GABRB1: variants seen among roughly 807,000 people sequenced by gnomAD.
The protein encoded by GABRB1 is gamma-aminobutyric acid type A receptor subunit beta1.
A neutral mutation model predicts 51.6 loss-of-function variants in GABRB1; 17 were observed. The observed-to-expected ratio is 0.33, with a 90% CI of 0.23 to 0.49. The LOEUF is 0.49. GABRB1 is among the 20% of genes least tolerant of loss of function. GABRB1 has a pLI of 0.99. For synonymous variants in GABRB1, 247 were observed against 218.9 expected (o/e 1.13, Z -1.14); for missense variants, 410 against 600.6 (o/e 0.68, Z 3.32).
chr4:47,112,079 C>T lies in GABRB1; in HGVS notation c.241-49170C>T, dbSNP rs1455728008. 2.0e-5 allele frequency among the ~76,000 whole-genome samples: 3 copies of T among 151,810 alleles called. No individual in the cohort carries two copies. In the East Asian group the frequency reaches 5.9e-4, roughly 30 times the overall value. ...CCACCTCCCGGGTTCAAGCGATTCT[C>T]CTGCCTCAGCCTCCCGAGTAGCTGG... is the stretch of plus-strand genomic sequence containing the variant. On this transcript the variant is annotated intron_variant, in intron 3 of 8. Coordinates refer to ENST00000295454, the MANE Select transcript of GABRB1 (RefSeq NM_000812.4).
At chr4:47,392,851 G>A (rs1287224560) in intron 5 of GABRB1, among the ~76,000 whole-genome samples, 2 of 152,208 alleles carry the variant, frequency 1.3e-5, no homozygotes, top group South Asian at 2.1e-4. Context: ...GGAGCAAATA[G>A]TTCTTCCCTA....
At chr4:47,327,356 T>C (rs912157485) in intron 5 of GABRB1, among the ~76,000 whole-genome samples, 2 of 150,806 alleles carry the variant, frequency 1.3e-5, no homozygotes, top group African/African-American at 4.9e-5. Context: ...GTAGGATCTC[T>C]TAAAAGAAAA....
chr4:47,305,834 G>A (rs1724447486), intron 4 of GABRB1, among the ~76,000 whole-genome samples: 1 of 152,070 alleles, frequency 6.6e-6, no homozygotes, highest in African/African-American at 2.4e-5. Flanking sequence ...ACTCAAACTG[G>A]GGACAGGAAG....
intron 3 of GABRB1, among the ~76,000 whole-genome samples, chr4:47,098,395 A>G (rs1366050130): frequency 6.6e-6 from 1 of 152,092 alleles, no homozygotes; most frequent in Non-Finnish European, 1.5e-5. Flanking sequence ...AAACTTTGTC[A>G]TTCTCACAGA....
intron 4 of GABRB1, among the ~76,000 whole-genome samples, chr4:47,247,383 C>T (rs1261417207): frequency 1.3e-5 from 2 of 151,978 alleles, no homozygotes; most frequent in African/African-American, 4.8e-5. Context: ...GTCTGTGTGC[C>T]TATTTTTATA....
chr4:47,183,469 C>T (rs1259775133), intron 4 of GABRB1, among the ~76,000 whole-genome samples: 1 of 150,108 alleles, frequency 6.7e-6, no homozygotes, highest in Admixed American at 6.7e-5. Flanking sequence ...TTTGGTACTT[C>T]CACACTTAAT....
intron 5 of GABRB1, among the ~76,000 whole-genome samples, chr4:47,397,219 A>G (rs1416702081): frequency 6.6e-6 from 1 of 152,214 alleles, no homozygotes; most frequent in Non-Finnish European, 1.5e-5. Context: ...CAGTAGTATA[A>G]AATAATTCTC....
At chr4:47,274,480 G>T (rs1414497768) in intron 4 of GABRB1, among the ~76,000 whole-genome samples, 3 of 152,086 alleles carry the variant, frequency 2.0e-5, no homozygotes, top group African/African-American at 7.2e-5. Flanking sequence ...TATGTAGAAA[G>T]GGTTCTTTTC....
intron 3 of GABRB1, among the ~76,000 whole-genome samples, chr4:47,101,102 G>C (rs1241856050): frequency 6.6e-6 from 1 of 151,926 alleles, no homozygotes; most frequent in African/African-American, 2.4e-5. Flanking sequence ...TTTTACGTGG[G>C]CTCATCTTCA....
At chr4:47,294,884 C>T (rs193212094) in intron 4 of GABRB1, among the ~76,000 whole-genome samples, 9 of 152,176 alleles carry the variant, frequency 5.9e-5, no homozygotes, top group Admixed American at 1.3e-4. Flanking sequence ...ACACCTCACA[C>T]GGCCGGGTAC....
chr4:47,371,401 C>G (rs897282317), intron 5 of GABRB1, among the ~76,000 whole-genome samples: 2 of 152,158 alleles, frequency 1.3e-5, no homozygotes, highest in South Asian at 4.1e-4. Flanking sequence ...TCAACATACA[C>G]GTGCATGTAC....
chr4:47,007,481 A>T (rs926869272), intron 1 of GABRB1, among the ~76,000 whole-genome samples: 30 of 152,218 alleles, frequency 2.0e-4, no homozygotes, highest in African/African-American at 7.2e-4. Context: ...AAAGGCATAA[A>T]TGATTTTAAC....
intron 3 of GABRB1, among the ~76,000 whole-genome samples, chr4:47,078,497 T>C (rs1727671341): frequency 6.6e-6 from 1 of 152,184 alleles, no homozygotes; most frequent in Non-Finnish European, 1.5e-5. Context: ...TAAAACATCA[T>C]CCCTAAGCAA....
chr4:47,267,734 G>A (rs1192086352), intron 4 of GABRB1, among the ~76,000 whole-genome samples: 1 of 152,148 alleles, frequency 6.6e-6, no homozygotes, highest in Admixed American at 6.5e-5. Flanking sequence ...GGCGGAGGTT[G>A]CAGTGAGCTG....
chr4:47,279,326 G>A (rs1361519950), intron 4 of GABRB1, among the ~76,000 whole-genome samples: 1 of 152,094 alleles, frequency 6.6e-6, no homozygotes, highest in Non-Finnish European at 1.5e-5. Flanking sequence ...CAATTTAGCA[G>A]GTGGTGACAA....
At chr4:47,288,263 A>G (rs1340022658) in intron 4 of GABRB1, among the ~76,000 whole-genome samples, 1 of 150,458 alleles carries the variant, frequency 6.6e-6, no homozygotes, top group African/African-American at 2.4e-5. Context: ...TATTATTATT[A>G]TTATTATTGT....
At chr4:47,250,720 T>C (rs970791037) in intron 4 of GABRB1, among the ~76,000 whole-genome samples, 5 of 152,224 alleles carry the variant, frequency 3.3e-5, no homozygotes, top group African/African-American at 7.2e-5. Context: ...TCTGAATTTC[T>C]TCATTCTACT....
chr4:47,034,430 A>G (rs560191769), intron 3 of GABRB1, among the ~76,000 whole-genome samples: 1 of 152,282 alleles, frequency 6.6e-6, no homozygotes, highest in South Asian at 2.1e-4. Context: ...ATTAAATAAT[A>G]CAGTCTGTTT....
intron 4 of GABRB1, among the ~76,000 whole-genome samples, chr4:47,163,848 TA>T (rs1718062702): frequency 6.6e-6 from 1 of 152,044 alleles, no homozygotes; most frequent in Non-Finnish European, 1.5e-5. Context: ...AAACTGTTCC[TA>T]AATTTCCTAC....
Sources: gnomAD v4.1 joint callset for allele counts (sites outside exome capture counted in the v4.1 genomes callset) on GRCh38, gnomAD v4.1.1 for gene constraint, MANE v1.5 for transcripts, NCBI Gene and HGNC (gene_info 2026-07-23, HGNC 2026-07-21) for gene names.